Variants in SMUG1 observed in about 807,000 individuals in gnomAD.
SMUG1 encodes single-strand-selective monofunctional uracil-DNA glycosylase 1.
A neutral mutation model predicts 23.9 loss-of-function variants in SMUG1; 13 were observed. The observed-to-expected ratio is 0.54, with a 90% confidence interval of 0.35 to 0.86. The LOEUF is 0.86. Among genes scored for constraint, SMUG1 ranks in the 40% least tolerant of loss-of-function variants. The pLI, the probability that SMUG1 is intolerant of heterozygous loss-of-function variation, is 0.01. For synonymous variants in SMUG1, 133 were observed against 139.8 expected (o/e 0.95, Z 0.34); for missense variants, 313 against 339.5 (o/e 0.92, Z 0.61).
At chr12:54,160,618 C>G (rs1301484481), downstream of SMUG1, among the ~76,000 whole-genome samples, 2 of 152,212 alleles carry the variant, frequency 1.3e-5, no homozygotes, top group Non-Finnish European at 2.9e-5. Context: ...CCATCCACCA[C>G]CTCTCCTTCC....
rs575947276 is a variant in SMUG1 at position 54,170,346 on chromosome 12, G to A, written c.*52+1679C>T. 2.6e-5 allele frequency among the ~76,000 whole-genome samples: 4 copies of A among 152,272 alleles called. No individual in the cohort carries two copies. In the South Asian group the frequency reaches 8.3e-4, roughly 32 times the overall value. On this transcript the variant is annotated intron_variant and NMD_transcript_variant, in intron 3 of 4. Transcript: ENST00000509864. ...CTGGGACCATAATGCTGAGCTTCAG[G>A]AGTCCCTGTAGGTTCTTGAGCAAGC...
intron 2 of SMUG1, among the ~76,000 whole-genome samples, chr12:54,174,525 C>G (rs1483510870): frequency 1.3e-5 from 2 of 152,042 alleles, no homozygotes; most frequent in East Asian, 1.9e-4. Context: ...TTTTTTGCTG[C>G]CTGAATCAGG....
chr12:54,182,933 G>A, intron 3 of SMUG1: 1 of 333,226 alleles, frequency 3.0e-6, no homozygotes. Context: ...TAGTACTGGG[G>A]ACAGACAGAT....
At chr12:54,184,140 C>A (rs1030481795) in intron 2 of SMUG1, 181 bp from the exon 3 acceptor site, 4 of 475,590 alleles carry the variant, frequency 8.4e-6, no homozygotes, top group Non-Finnish European at 1.5e-5. Flanking sequence ...AATGAAGGGC[C>A]CTTTCCCTCC....
Position 54,183,858 on chromosome 12 carries a change from G to A in SMUG1, c.83C>T (p.Ala28Val). The part of the protein sequence containing the change: ...MEPQPCPGSL[A>V]ESFLEEELRL... ...AAGCTCCTCCTCCAGGAAGCTCTCAGCCAAGCTTCCAGGGCAGGGCTGGGG... is the reference window on the plus strand; with the variant it reads ...AAGCTCCTCCTCCAGGAAGCTCTCAACCAAGCTTCCAGGGCAGGGCTGGGG... The change falls in exon 3 of 4, where the codon GCT becomes GTT. Residue 28 changes from alanine to valine, a missense_variant. Coordinates refer to ENST00000682136, the MANE Select transcript of SMUG1 (RefSeq NM_001243787.2). 6.2e-7 allele frequency: 1 copy of A among 1,612,990 alleles called. No homozygotes were observed. The highest frequency in any genetic ancestry group is 8.5e-7 in the Non-Finnish European group (1 of 1,179,592).
chr12:54,186,183 A>G (rs1942405220), intron 2 of SMUG1, among the ~76,000 whole-genome samples: 1 of 152,092 alleles, frequency 6.6e-6, no homozygotes, highest in African/African-American at 2.4e-5. Context: ...CTGTCCACAT[A>G]TCCAAATCAC....
intron 3 of SMUG1, among the ~76,000 whole-genome samples, chr12:54,171,688 A>G (rs988187118): frequency 6.9e-6 from 1 of 145,428 alleles, no homozygotes; most frequent in Non-Finnish European, 1.5e-5. Context: ...TCTTGTCTCA[A>G]AAAAAAAAAA....
At chr12:54,186,298 G>A (rs1035233150) in intron 2 of SMUG1, among the ~76,000 whole-genome samples, 3 of 151,888 alleles carry the variant, frequency 2.0e-5, no homozygotes, top group African/African-American at 7.3e-5. Flanking sequence ...CCCAACACAA[G>A]TAGGTCCCGT....
chr12:54,188,086 CAA>C (rs1379155361), intron 1 of SMUG1, among the ~76,000 whole-genome samples, 184 bp from the exon 2 acceptor site: 1 of 151,726 alleles, frequency 6.6e-6, no homozygotes, highest in Non-Finnish European at 1.5e-5. Context: ...ACATTAAGCA[CAA>C]AGACAGCGGA....
intron 3 of SMUG1, among the ~76,000 whole-genome samples, chr12:54,170,771 T>G (rs183376621): frequency 1.0e-3 from 159 of 152,116 alleles, no homozygotes; most frequent in Middle Eastern, 6.8e-3. Context: ...TAACTTTTTA[T>G]TTTTTGTAGA....
At position 54,182,113 on chromosome 12, in the gene SMUG1, G is replaced by A; in HGVS notation, c.796C>T (p.Pro266Ser). ...KERLNELGLL[P>S]LLLK ...AAGGGCACTCATTTCAACAGCAGTG[G>A]CAGCAGCCCCAGCTCATTCAATCTT... is the stretch of plus-strand genomic sequence containing the variant. The change falls in exon 4 of 4, where the codon CCA becomes TCA. Residue 266 changes from proline (P) to serine (S), a missense_variant. Pro to Ser is a moderately conservative substitution (Grantham distance 74). Transcript: ENST00000682136. 1 of 1,542,280 alleles carries A rather than the reference G, an allele frequency of 6.5e-7. No individual in the cohort carries two copies. Among genetic ancestry groups the A allele is most frequent in the Non-Finnish European group, 8.7e-7 (1 of 1,144,270 alleles).
chr12:54,183,373 G>C, intron 3 of SMUG1: 1 of 561,416 alleles, frequency 1.8e-6, no homozygotes, highest in Non-Finnish European at 3.2e-6. Context: ...GGGAGATCCA[G>C]TAAAGTAAGG....
At chr12:54,168,579 T>C (rs1243478285) in intron 3 of SMUG1, 16 of 152,214 alleles carry the variant, frequency 1.1e-4, no homozygotes, top group Non-Finnish European at 1.9e-4. Flanking sequence ...ACCCATTCAA[T>C]AAATACTTAA....
At chr12:54,161,285 G>A (rs138869541), downstream of SMUG1, among the ~76,000 whole-genome samples, 476 of 152,184 alleles carry the variant, frequency 3.1e-3, 5 homozygotes, top group African/African-American at 0.011. This position sits in a 1 kb window ranked among gnomAD's most constrained non-coding sequence, Gnocchi z 4.2. Flanking sequence ...ATTAAACCCC[G>A]AGAGCAGGCC....
downstream of SMUG1, among the ~76,000 whole-genome samples, chr12:54,177,205 C>G (rs1396160285): frequency 2.0e-5 from 3 of 152,220 alleles, no homozygotes; most frequent in Non-Finnish European, 2.9e-5. Context: ...TGAACCTTGG[C>G]TGCATATTGG....
At chr12:54,183,570 G>GC in intron 3 of SMUG1, 86 bp downstream of exon 3, 1 of 1,382,392 alleles carries the variant, frequency 7.2e-7, no homozygotes, top group African/African-American at 1.4e-5. Context: ...CTACAGCCAT[G>GC]CACATGCTCC....
chr12:54,188,297 A>AATAATAATAAT (rs1565844612), intron 1 of SMUG1, among the ~76,000 whole-genome samples: 2 of 58,082 alleles, frequency 3.4e-5, no homozygotes, highest in East Asian at 4.3e-4. Flanking sequence ...ATAATAATAA[A>AATAATAATAAT]TAATAATAAT....
downstream of SMUG1, among the ~76,000 whole-genome samples, chr12:54,159,836 G>C (rs561526664): frequency 1.3e-5 from 2 of 152,216 alleles, no homozygotes; most frequent in Admixed American, 6.5e-5. Flanking sequence ...ACTGCGCATC[G>C]GAGCATCAGC....
chr12:54,184,681 A>G lies in SMUG1; in HGVS notation c.-19-722T>C, dbSNP rs34884117. 4.5e-3 allele frequency among the ~76,000 whole-genome samples: 682 copies of G among 152,288 alleles called. 1 individual carries two copies. The highest frequency in any genetic ancestry group is 0.034 in the Middle Eastern group (10 of 294). The stretch of plus-strand genomic sequence containing the variant: ...AACCACCCACGCCATCTTGCCTTAG[A>G]TGGTTTGATCAGCCACCCTGCTAAT... On this transcript the variant is annotated intron_variant, in intron 2 of 3. Transcript: ENST00000682136.
Sources: allele counts gnomAD v4.1 joint callset (sites outside exome capture counted in the v4.1 genomes callset), GRCh38; gene constraint gnomAD v4.1.1; non-coding constraint Gnocchi (gnomAD v3.1); transcripts MANE v1.5; gene names NCBI Gene and HGNC (gene_info 2026-07-23, HGNC 2026-07-21).